The following CDKL3 variants were observed in gnomAD, a reference collection of about 807,000 sequenced individuals.
CDKL3 encodes cyclin dependent kinase like 3, also known as cyclin-dependent kinase-like 3.
A neutral mutation model predicts 69.3 loss-of-function variants in CDKL3; 65 were observed. That is an observed-to-expected ratio of 0.94 (90% CI 0.77 to 1.15). The LOEUF is 1.15. CDKL3 is among the 50% of genes most tolerant of loss of function. The probability of loss-of-function intolerance (pLI) is 0.00; values close to 1 mark genes in which losing one functional copy is unlikely to be tolerated. For synonymous variants in CDKL3, 202 were observed against 221.6 expected (o/e 0.91, Z 0.79); for missense variants, 652 against 689.2 (o/e 0.95, Z 0.61).
chr5:134,367,681 T>G (rs1324278203), upstream of CDKL3, among the ~76,000 whole-genome samples: 1 of 152,192 alleles, frequency 6.6e-6, no homozygotes, highest in African/African-American at 2.4e-5. Flanking sequence ...GTCAAGATGG[T>G]TCTTAAATCA....
intron 8 of CDKL3, among the ~76,000 whole-genome samples, chr5:134,287,116 G>T (rs1305737488): frequency 6.6e-6 from 1 of 152,072 alleles, no homozygotes; most frequent in Non-Finnish European, 1.5e-5. Context: ...AAAGCACTTA[G>T]AATTAAGAAG....
At chr5:134,309,463 C>T (rs1768791333) in intron 7 of CDKL3, among the ~76,000 whole-genome samples, 1 of 152,094 alleles carries the variant, frequency 6.6e-6, no homozygotes, top group South Asian at 2.1e-4. Flanking sequence ...TAACAGAATA[C>T]CTTCATATTG....
At chr5:134,367,617 G>A (rs1259464134), upstream of CDKL3, among the ~76,000 whole-genome samples, 2 of 151,854 alleles carry the variant, frequency 1.3e-5, no homozygotes, top group East Asian at 1.9e-4. Context: ...CAGGTGATCC[G>A]CCTGCCTCGG....
chr5:134,300,878 T>C (rs1055743396), intron 12 of CDKL3, among the ~76,000 whole-genome samples: 4 of 152,170 alleles, frequency 2.6e-5, no homozygotes, highest in African/African-American at 9.7e-5. Context: ...CACCCAATGA[T>C]TGAAAAAATG....
intron 8 of CDKL3, among the ~76,000 whole-genome samples, chr5:134,287,895 CTTT>C (rs5871533): frequency 7.2e-6 from 1 of 138,142 alleles, no homozygotes; most frequent in Non-Finnish European, 1.5e-5. Flanking sequence ...TGTAACTTTA[CTTT>C]TTTTTTTTTT....
intron 4 of CDKL3, among the ~76,000 whole-genome samples, chr5:134,337,347 C>T (rs545753300): frequency 6.6e-6 from 1 of 152,340 alleles, no homozygotes; most frequent in East Asian, 1.9e-4. Flanking sequence ...GGCTCGCCCT[C>T]TGTGGGCCGT....
upstream of CDKL3, chr5:134,367,237 G>C: frequency 1.0e-6 from 1 of 985,402 alleles, no homozygotes; most frequent in Non-Finnish European, 1.2e-6. Context: ...GGAAGAAACG[G>C]AAACCTACTC....
intron 2 of CDKL3, among the ~76,000 whole-genome samples, chr5:134,363,234 T>C (rs1756487634): frequency 6.6e-6 from 1 of 152,180 alleles, no homozygotes; most frequent in African/African-American, 2.4e-5. Context: ...AACTGATATC[T>C]TTCACAAAAT....
intron 7 of CDKL3, among the ~76,000 whole-genome samples, chr5:134,311,794 ACTTT>A (rs769983509): frequency 3.0e-4 from 46 of 152,060 alleles, no homozygotes; most frequent in African/African-American, 7.2e-4. Flanking sequence ...TTATTATTAG[ACTTT>A]CTTTTTCTTT....
At chr5:134,312,794 A>T (rs758005149) in intron 6 of CDKL3, among the ~76,000 whole-genome samples, 1 of 152,204 alleles carries the variant, frequency 6.6e-6, no homozygotes, top group Non-Finnish European at 1.5e-5. Context: ...CGCCTAATCC[A>T]GCACTCTTTC....
At chr5:134,352,382 CCT>C (rs1753535400) in intron 3 of CDKL3, among the ~76,000 whole-genome samples, 1 of 151,422 alleles carries the variant, frequency 6.6e-6, no homozygotes, top group Non-Finnish European at 1.5e-5. Context: ...CTCACTGCAA[CCT>C]CTGACTCCTG....
chr5:134,363,367 C>T (rs1411428108), intron 2 of CDKL3, among the ~76,000 whole-genome samples: 1 of 151,816 alleles, frequency 6.6e-6, no homozygotes, highest in Non-Finnish European at 1.5e-5. Flanking sequence ...GGTCTCGGCT[C>T]ACTGAAACCT....
intron 8 of CDKL3, among the ~76,000 whole-genome samples, chr5:134,291,230 T>C (rs1765111956): frequency 6.6e-6 from 1 of 152,220 alleles, no homozygotes; most frequent in Non-Finnish European, 1.5e-5. Context: ...TATATTTTAA[T>C]ATAGCTGTTG....
intron 3 of CDKL3, among the ~76,000 whole-genome samples, chr5:134,353,553 C>CT (rs201057745): frequency 0.035 from 4,794 of 138,840 alleles, 182 homozygotes; most frequent in African/African-American, 0.092. Flanking sequence ...GATCATGTCA[C>CT]TTTTTTTTTT....
intron 4 of CDKL3, among the ~76,000 whole-genome samples, chr5:134,328,779 G>A (rs1352395137): frequency 6.6e-6 from 1 of 152,072 alleles, no homozygotes; most frequent in Non-Finnish European, 1.5e-5. Flanking sequence ...TCACTTACAA[G>A]AGAACTTTGG....
At chr5:134,347,696 C>CT (rs1554100714) in intron 4 of CDKL3, among the ~76,000 whole-genome samples, 2 of 82,096 alleles carry the variant, frequency 2.4e-5, no homozygotes, top group Non-Finnish European at 4.4e-5. Context: ...CCCATCTCTG[C>CT]TAAAAAAAAA....
chr5:134,313,446 A>C (rs1053519372), intron 6 of CDKL3, among the ~76,000 whole-genome samples: 1 of 152,168 alleles, frequency 6.6e-6, no homozygotes, highest in Non-Finnish European at 1.5e-5. Context: ...CTTCCATCGC[A>C]ACAACAATCC....
chr5:134,341,009 C>A (rs960633039), intron 4 of CDKL3, among the ~76,000 whole-genome samples: 1 of 152,088 alleles, frequency 6.6e-6, no homozygotes, highest in Admixed American at 6.5e-5. Context: ...GGGATTTATT[C>A]TAGGAACACA....
chr5:134,285,784 CT>C (rs1764834846), downstream of CDKL3, among the ~76,000 whole-genome samples: 1 of 152,218 alleles, frequency 6.6e-6, no homozygotes, highest in African/African-American at 2.4e-5. Flanking sequence ...AACTGAATGC[CT>C]TTAATAGCAT....
Sources: allele counts gnomAD v4.1 joint callset (sites outside exome capture counted in the v4.1 genomes callset), GRCh38; gene constraint gnomAD v4.1.1; transcripts MANE v1.5; gene names NCBI Gene and HGNC (gene_info 2026-07-23, HGNC 2026-07-21).